SLC15A5: variants seen among roughly 807,000 people sequenced by gnomAD.
SLC15A5 encodes the protein solute carrier family 15 member 5.
A neutral mutation model predicts 56.1 loss-of-function variants in SLC15A5; 58 were observed. The ratio of observed to expected loss-of-function variants is 1.03; its 90% CI spans 0.84 to 1.29. SLC15A5 has a LOEUF of 1.29. Among genes scored for constraint, SLC15A5 ranks in the 50% most tolerant of loss-of-function variants. The pLI, the probability that SLC15A5 is intolerant of heterozygous loss-of-function variation, is 0.00. For missense variants in SLC15A5, 681 were observed against 672.1 expected (o/e 1.01, Z -0.15); for synonymous variants, 264 against 250.5 (o/e 1.05, Z -0.51).
At chr12:16,231,622 C>G (rs1864300817) in intron 5 of SLC15A5, among the ~76,000 whole-genome samples, 1 of 152,182 alleles carries the variant, frequency 6.6e-6, no homozygotes, top group Non-Finnish European at 1.5e-5. Context: ...GTGAAATTGT[C>G]AAGTCTCCAA....
chr12:16,265,683 A>G (rs1019998960), intron 2 of SLC15A5, among the ~76,000 whole-genome samples: 6 of 151,896 alleles, frequency 4.0e-5, no homozygotes, highest in East Asian at 1.9e-4. Flanking sequence ...GGGTTTTGCC[A>G]TTTTGCCCGG....
At chr12:16,197,687 A>T (rs760090131) in intron 7 of SLC15A5, among the ~76,000 whole-genome samples, 1 of 151,414 alleles carries the variant, frequency 6.6e-6, no homozygotes, top group Non-Finnish European at 1.5e-5. Context: ...CTCACACACC[A>T]TCATGTAGCC....
At chr12:16,241,586 C>T (rs551721685) in intron 4 of SLC15A5, among the ~76,000 whole-genome samples, 1 of 152,274 alleles carries the variant, frequency 6.6e-6, no homozygotes, top group South Asian at 2.1e-4. Context: ...TGGCTGAGTA[C>T]AGATGGCAAG....
chr12:16,244,781 G>C lies in SLC15A5; in HGVS notation c.774C>G (p.Gly258=). The part of the protein sequence containing the change: ...QSEKRCSLLT[G]VGVLVSALKT... The stretch of plus-strand genomic sequence containing the variant: ...TCAGTGCACTAACCAACACCCCAAC[G>C]CCTGTCAGGAGAGAACAACCTGCAA... Residue 258 remains glycine (G), a synonymous_variant, in exon 4 of 9, where the codon GGC becomes GGG. Transcript: ENST00000344941. 1 of 1,537,768 alleles carries C rather than the reference G, an allele frequency of 6.5e-7. No homozygotes were observed. Among genetic ancestry groups the C allele is most frequent in the Non-Finnish European group, 8.7e-7 (1 of 1,147,018 alleles).
At chr12:16,244,162 G>A (rs910286711) in intron 4 of SLC15A5, among the ~76,000 whole-genome samples, 2 of 152,136 alleles carry the variant, frequency 1.3e-5, no homozygotes, top group Non-Finnish European at 2.9e-5. Flanking sequence ...TACAGTGGAG[G>A]TGGTACTCAA....
At chr12:16,197,752 C>T (rs1863908635) in intron 7 of SLC15A5, among the ~76,000 whole-genome samples, 1 of 146,178 alleles carries the variant, frequency 6.8e-6, no homozygotes. Context: ...TTCTGTATGC[C>T]TTTTTTTTTT....
In SLC15A5 at chr12:16,277,543, A is replaced by G; in HGVS notation, c.143T>C (p.Leu48Pro). The G allele has an allele frequency of 6.5e-7, 1 of 1,536,582 alleles. No homozygotes were observed. The highest frequency in any genetic ancestry group is 2.0e-5 in the Admixed American group (1 of 50,964). ...CGTGAACCTCTCACACAGCTCCACC[A>G]GAAGCAAGCAGATTCCAACCTGAAT... Reference protein sequence around the residue: ...KKIQVGICLLLVELCERFTFF... With the variant: ...KKIQVGICLLPVELCERFTFF... The change falls in exon 1 of 9, where the codon CTG becomes CCG. Residue 48 changes from leucine (L) to proline (P), a missense_variant. Transcript: ENST00000344941.
At chr12:16,265,990 TAATC>T (rs1277413943) in intron 2 of SLC15A5, among the ~76,000 whole-genome samples, 1 of 152,140 alleles carries the variant, frequency 6.6e-6, no homozygotes, top group African/African-American at 2.4e-5. Flanking sequence ...AAAAATCAAT[TAATC>T]AAACAAACAC....
rs1377970524 is a variant in SLC15A5 at position 16,266,801 on chromosome 12, G to A, written c.584+5760C>T. 4.1e-4 allele frequency among the ~76,000 whole-genome samples: 63 copies of A among 152,104 alleles called. 1 individual carries two copies. Among genetic ancestry groups the A allele is most frequent in the Admixed American group, 4.1e-3 (63 of 15,268 alleles). On this transcript the variant is annotated intron_variant, in intron 2 of 8. Coordinates refer to ENST00000344941, the MANE Select transcript of SLC15A5 (RefSeq NM_001170798.1). ...AAGCACTAAAGCAAAACAAATACCA[G>A]TGATTAAGGAAAATTGAAAGCAGCA...
chr12:16,259,987 C>T (rs948518345), intron 2 of SLC15A5, among the ~76,000 whole-genome samples: 1 of 152,044 alleles, frequency 6.6e-6, no homozygotes. Flanking sequence ...CATCACCCGA[C>T]TTGGGAATCA....
At chr12:16,203,913 A>G (rs1863988104) in intron 7 of SLC15A5, among the ~76,000 whole-genome samples, 1 of 152,222 alleles carries the variant, frequency 6.6e-6, no homozygotes, top group Non-Finnish European at 1.5e-5. Flanking sequence ...AACAGTGATC[A>G]CCTCAGTGAG....
At chr12:16,200,427 G>T (rs752189315) in intron 7 of SLC15A5, among the ~76,000 whole-genome samples, 1 of 151,804 alleles carries the variant, frequency 6.6e-6, no homozygotes, top group Non-Finnish European at 1.5e-5. Flanking sequence ...TGATATATAC[G>T]TAATTCTTAT....
chr12:16,228,078 C>T (rs994015249), intron 5 of SLC15A5, among the ~76,000 whole-genome samples: 1 of 152,048 alleles, frequency 6.6e-6, no homozygotes, highest in African/African-American at 2.4e-5. Context: ...TAAGTAAGAA[C>T]CATAGTAGAT....
At chr12:16,233,260 A>G (rs1221961080) in intron 5 of SLC15A5, among the ~76,000 whole-genome samples, 1 of 152,198 alleles carries the variant, frequency 6.6e-6, no homozygotes, top group African/African-American at 2.4e-5. Context: ...GACAAGCATC[A>G]CTATTTTTTT....
chr12:16,242,359 T>C (rs1207423567), intron 4 of SLC15A5, among the ~76,000 whole-genome samples: 1 of 59,742 alleles, frequency 1.7e-5, no homozygotes, highest in Non-Finnish European at 4.2e-5. Flanking sequence ...TCTATGTAGT[T>C]TGTATCAGGG....
At chr12:16,257,148 T>A (rs1252024248) in intron 3 of SLC15A5, among the ~76,000 whole-genome samples, 2 of 152,056 alleles carry the variant, frequency 1.3e-5, no homozygotes, top group Non-Finnish European at 2.9e-5. Context: ...AGAGAGAGAT[T>A]GATAATGACA....
chr12:16,257,924 C>G (rs1279747568), intron 2 of SLC15A5, 54 bp from the exon 3 acceptor site: 6 of 1,293,878 alleles, frequency 4.6e-6, no homozygotes, highest in Non-Finnish European at 3.0e-6. Context: ...CTTTAGATAA[C>G]TATTGCTAAT....
chr12:16,257,431 C>G (rs1864587660), intron 3 of SLC15A5, among the ~76,000 whole-genome samples: 1 of 151,906 alleles, frequency 6.6e-6, no homozygotes, highest in South Asian at 2.1e-4. Context: ...TTTTTTCAAC[C>G]AGGGAAAAAA....
chr12:16,256,404 C>G (rs2136805418), intron 3 of SLC15A5, among the ~76,000 whole-genome samples: 1 of 152,162 alleles, frequency 6.6e-6, no homozygotes, highest in South Asian at 2.1e-4. Context: ...CATAATGCCA[C>G]CTATGAAGAA....
Sources: allele counts gnomAD v4.1 joint callset (sites outside exome capture counted in the v4.1 genomes callset), GRCh38; gene constraint gnomAD v4.1.1; transcripts MANE v1.5; gene names NCBI Gene and HGNC (gene_info 2026-07-23, HGNC 2026-07-21).